The following CTNNA2 variants were observed in gnomAD, a reference collection of about 807,000 sequenced individuals.
CTNNA2 encodes catenin alpha 2.
In CTNNA2, 42 loss-of-function variants were observed where a neutral mutation model predicts 101.0. The ratio of observed to expected loss-of-function variants is 0.42; its 90% CI spans 0.32 to 0.54. The LOEUF is 0.54. Ranked by LOEUF, CTNNA2 falls within the 20% of genes least tolerant of loss-of-function variation. The pLI, the probability that CTNNA2 is intolerant of heterozygous loss-of-function variation, is 0.14. For synonymous variants in CTNNA2, 450 were observed against 456.4 expected (o/e 0.99, Z 0.18); for missense variants, 871 against 1,223.1 (o/e 0.71, Z 4.29).
chr2:80,544,947 C>T, intron 9 of CTNNA2, 35 bp from the exon 10 acceptor site: 1 of 1,583,870 alleles, frequency 6.3e-7, no homozygotes, highest in Non-Finnish European at 8.7e-7. Context: ...CCCTTTGCCC[C>T]AACCTAATAT....
At chr2:80,285,683 A>T (rs1410419068) in intron 7 of CTNNA2, among the ~76,000 whole-genome samples, 2 of 152,150 alleles carry the variant, frequency 1.3e-5, no homozygotes, top group East Asian at 3.9e-4. Context: ...GGGAATGCAA[A>T]TGAATGTCCC....
At chr2:79,416,884 T>G (rs1678489944) in intron 4 of CTNNA2, among the ~76,000 whole-genome samples, 1 of 152,100 alleles carries the variant, frequency 6.6e-6, no homozygotes, top group African/African-American at 2.4e-5. Flanking sequence ...TCTTACAGGA[T>G]CTTCCCCTCT....
At chr2:79,580,851 G>A (rs1446256897) in intron 1 of CTNNA2, among the ~76,000 whole-genome samples, 1 of 151,970 alleles carries the variant, frequency 6.6e-6, no homozygotes, top group African/African-American at 2.4e-5. Flanking sequence ...ATTGCTACTG[G>A]TATATATGCA....
intron 3 of CTNNA2, among the ~76,000 whole-genome samples, chr2:79,338,595 C>T (rs1339649900): frequency 7.0e-6 from 1 of 143,488 alleles, no homozygotes; most frequent in Non-Finnish European, 1.5e-5. Context: ...TCTTCTTCTT[C>T]TTCTTCTTCT....
chr2:79,744,686 G>T (rs564459787), intron 3 of CTNNA2, 104 bp downstream of exon 3: 1 of 1,125,490 alleles, frequency 8.9e-7, no homozygotes, highest in South Asian at 1.8e-5. Flanking sequence ...GAAGTCTTAC[G>T]TTTTTTTCCT....
At chr2:80,344,566 C>T (rs1672547696) in intron 7 of CTNNA2, among the ~76,000 whole-genome samples, 1 of 152,160 alleles carries the variant, frequency 6.6e-6, no homozygotes, top group South Asian at 2.1e-4. Context: ...CTCACTGAAG[C>T]CTCGATCTCC....
chr2:79,837,178 A>T (rs545308237), intron 3 of CTNNA2, among the ~76,000 whole-genome samples: 193 of 152,320 alleles, frequency 1.3e-3, no homozygotes, highest in Non-Finnish European at 2.3e-3. Flanking sequence ...AAGGTCCCAC[A>T]ATAGGCCATC....
intron 7 of CTNNA2, among the ~76,000 whole-genome samples, chr2:80,206,884 G>T (rs892677182): frequency 5.3e-5 from 8 of 152,306 alleles, no homozygotes; most frequent in African/African-American, 1.9e-4. Flanking sequence ...AACAGAAGCT[G>T]GTCTGGAGAA....
chr2:79,662,715 G>C (rs945546345), intron 2 of CTNNA2, among the ~76,000 whole-genome samples: 1 of 152,100 alleles, frequency 6.6e-6, no homozygotes. Context: ...CTTGTCATCC[G>C]ATTGAAAGTA....
At position 80,149,077 on chromosome 2, in the gene CTNNA2, G is replaced by A. The variant is rs906683041; in HGVS notation, c.1056+239280G>A. Among the ~76,000 whole-genome samples, 3 of 148,802 alleles carry A rather than the reference G, an allele frequency of 2.0e-5. No individual in the cohort carries two copies. In the East Asian group the frequency reaches 5.9e-4, roughly 29 times the overall value. On this transcript the variant is annotated intron_variant, in intron 7 of 18. Transcript: ENST00000402739. ...AGTTATTTCTCTATCATCCAGGCTG[G>A]AGTGCAGTGGCGTGATTTGATCATA...
chr2:80,328,683 G>T (rs1671042903), intron 7 of CTNNA2, among the ~76,000 whole-genome samples: 1 of 152,208 alleles, frequency 6.6e-6, no homozygotes, highest in Non-Finnish European at 1.5e-5. Context: ...GTGTGTGAAT[G>T]TATTTGTGCA....
intron 2 of CTNNA2, among the ~76,000 whole-genome samples, chr2:79,654,660 T>G (rs540870362): frequency 6.6e-6 from 1 of 152,320 alleles, no homozygotes; most frequent in East Asian, 1.9e-4. Context: ...CTTCTGCCAT[T>G]TAAGGTAGCA....
chr2:79,301,936 C>T (rs1676120758), intron 2 of CTNNA2, among the ~76,000 whole-genome samples: 1 of 151,530 alleles, frequency 6.6e-6, no homozygotes, highest in South Asian at 2.1e-4. Context: ...ACAAAAAATA[C>T]AAAAAAATTA....
At chr2:80,289,273 TGG>T (rs1251969090) in intron 7 of CTNNA2, 2 of 152,162 alleles carry the variant, frequency 1.3e-5, no homozygotes, top group African/African-American at 4.8e-5. Context: ...GCATCTGTAG[TGG>T]CTAAGGGATC....
At chr2:79,719,138 C>A (rs994721753) in intron 2 of CTNNA2, among the ~76,000 whole-genome samples, 5 of 152,074 alleles carry the variant, frequency 3.3e-5, no homozygotes, top group Admixed American at 6.5e-5. Flanking sequence ...TGAGAACATG[C>A]AGTATTTGGT....
At position 79,865,979 on chromosome 2, in the gene CTNNA2, G is replaced by A. The variant is rs1489080905; in HGVS notation, c.466-3837G>A. On this transcript the variant is annotated intron_variant, in intron 4 of 18. Transcript: ENST00000402739. Reference sequence around the variant, plus strand: ...CGTGATCCGCCCGCCTCGGCCTCCCGAAGTGCTGGGATTACAGGCGTGAGC... The same window carrying A: ...CGTGATCCGCCCGCCTCGGCCTCCCAAAGTGCTGGGATTACAGGCGTGAGC... 1.1e-4 allele frequency among the ~76,000 whole-genome samples: 16 copies of A among 152,288 alleles called. No individual in the cohort carries two copies. In the East Asian group the frequency reaches 1.2e-3, roughly 11 times the overall value.
intron 7 of CTNNA2, among the ~76,000 whole-genome samples, chr2:80,230,515 T>G (rs1171519266): frequency 6.6e-6 from 1 of 152,110 alleles, no homozygotes; most frequent in East Asian, 1.9e-4. Context: ...GCCAAACAGT[T>G]TGTGGCATTT....
intron 9 of CTNNA2, among the ~76,000 whole-genome samples, chr2:80,419,826 A>G (rs1026701233): frequency 2.6e-5 from 4 of 151,938 alleles, no homozygotes; most frequent in African/African-American, 4.8e-5. Context: ...GCTCTGAAAC[A>G]TATCTGCCAT....
intron 7 of CTNNA2, among the ~76,000 whole-genome samples, chr2:80,234,442 A>C (rs1028688741): frequency 2.2e-4 from 33 of 152,348 alleles, no homozygotes; most frequent in African/African-American, 6.5e-4. Flanking sequence ...AAAGTGCTTT[A>C]GTTAATATTT....
Sources: allele counts gnomAD v4.1 joint callset (sites outside exome capture counted in the v4.1 genomes callset), GRCh38; gene constraint gnomAD v4.1.1; transcripts MANE v1.5; gene names NCBI Gene and HGNC (gene_info 2026-07-23, HGNC 2026-07-21).